The following TLL1 variants were observed in gnomAD, a reference collection of about 807,000 sequenced individuals.
The protein encoded by TLL1 is tolloid-like protein 1.
Under a neutral mutation model 128.2 loss-of-function variants are expected in TLL1, and 49 were observed. The observed-to-expected ratio is 0.38, with a 90% CI of 0.30 to 0.48. The LOEUF (loss-of-function observed/expected upper bound fraction) is 0.48, where lower values mean the gene tolerates loss of function less well. Among genes scored for constraint, TLL1 ranks in the 20% least tolerant of loss-of-function variants. The probability of loss-of-function intolerance (pLI) is 0.96; values close to 1 mark genes in which losing one functional copy is unlikely to be tolerated. For synonymous variants in TLL1, 454 were observed against 418.8 expected, an observed-to-expected ratio of 1.08 and a Z score of -1.03; for missense variants, 1,123 against 1,242.0, an observed-to-expected ratio of 0.90 and a Z score of 1.44.
At chr4:166,020,498 T>A (rs1295707487) in intron 8 of TLL1, among the ~76,000 whole-genome samples, 1 of 152,196 alleles carries the variant, frequency 6.6e-6, no homozygotes, top group Non-Finnish European at 1.5e-5. Context: ...TTCTCTCGTC[T>A]TAAATGATTG....
rs540469766 is a variant in TLL1 at position 166,099,644 on chromosome 4, G to T, written c.2907+117G>T. On this transcript the variant is annotated intron_variant, in intron 20 of 20. Transcript: ENST00000061240. The stretch of plus-strand genomic sequence containing the variant: ...CTTTTTGCAAAAAAAAAAAAAAAAG[G>T]CTACATTGTATTATAAATGGCTTGA... 1.4e-4 allele frequency: 152 copies of T among 1,074,172 alleles called. 1 individual carries two copies. Among genetic ancestry groups the T allele is most frequent in the Admixed American group, 3.5e-4 (17 of 48,146 alleles). The allele number at this position is 1,074,172 out of a possible 1,614,324, so 66.5% of individuals were successfully genotyped here. A position where few individuals can be genotyped will look rare whatever the true frequency, so the allele number is the denominator to read the frequency against.
chr4:166,053,467 G>A (rs1170136546), intron 12 of TLL1, among the ~76,000 whole-genome samples: 1 of 152,080 alleles, frequency 6.6e-6, no homozygotes, highest in Non-Finnish European at 1.5e-5. Context: ...TCTGAATGAT[G>A]CATACCAAGC....
chr4:166,073,091 C>A (rs1361063281), intron 16 of TLL1, among the ~76,000 whole-genome samples: 3 of 152,116 alleles, frequency 2.0e-5, no homozygotes, highest in Admixed American at 1.3e-4. Context: ...CTGCCACCAG[C>A]ATTTTCTTAA....
At chr4:166,014,297 C>A in intron 7 of TLL1, 139 bp from the exon 8 acceptor site, 1 of 1,248,926 alleles carries the variant, frequency 8.0e-7, no homozygotes, top group South Asian at 1.2e-5. Flanking sequence ...GTTTTGAAAG[C>A]CTGATACACT....
chr4:165,978,034 T>C (rs1735970108), intron 1 of TLL1, among the ~76,000 whole-genome samples: 1 of 152,212 alleles, frequency 6.6e-6, no homozygotes, highest in Admixed American at 6.5e-5. Context: ...TTGATATTCA[T>C]GTTATCCTAA....
At chr4:166,094,242 G>T (rs1252652418) in intron 19 of TLL1, among the ~76,000 whole-genome samples, 1 of 152,086 alleles carries the variant, frequency 6.6e-6, no homozygotes, top group East Asian at 1.9e-4. Flanking sequence ...TGATTAATTT[G>T]CAGTTTCTAA....
At chr4:165,985,518 G>A (rs1446885013) in intron 1 of TLL1, among the ~76,000 whole-genome samples, 1 of 151,972 alleles carries the variant, frequency 6.6e-6, no homozygotes, top group Non-Finnish European at 1.5e-5. Flanking sequence ...AATACATGGT[G>A]TTTGTGTTTA....
Position 166,091,213 on chromosome 4 carries a change from C to A in TLL1, c.2528C>A (p.Pro843Gln). The A allele has an allele frequency of 1.9e-6, 3 of 1,613,130 alleles. No homozygotes were observed. Among genetic ancestry groups the A allele is most frequent in the Non-Finnish European group, 2.5e-6 (3 of 1,179,494 alleles). ...EVFDGETEKS[P>Q]ILGRLCGNKI... is the part of the protein sequence containing the mutation. ...TTTGATGGAGAAACAGAAAAGTCACCGATTCTTGGACGACTGTGTGGCAAC... is the reference window on the plus strand; with the variant it reads ...TTTGATGGAGAAACAGAAAAGTCACAGATTCTTGGACGACTGTGTGGCAAC... Residue 843 changes from proline (P) to glutamine (Q), a missense_variant, in exon 19 of 21, where the codon CCG (proline) becomes CAG (glutamine). This residue lies in a region of TLL1 where 634 missense variants were observed against 672.4 expected (regional missense o/e 0.94). Coordinates refer to ENST00000061240, the MANE Select transcript of TLL1 (RefSeq NM_012464.5).
intron 7 of TLL1, among the ~76,000 whole-genome samples, chr4:166,012,215 T>A (rs547248975): frequency 4.6e-5 from 7 of 151,702 alleles, no homozygotes; most frequent in Middle Eastern, 6.8e-3. Flanking sequence ...AAGTGAACCA[T>A]GATATGATCT....
At chr4:166,075,225 A>G (rs79549396) in intron 17 of TLL1, among the ~76,000 whole-genome samples, 11,056 of 152,280 alleles carry the variant, frequency 0.073, 741 homozygotes, top group African/African-American at 0.17. Flanking sequence ...TATAGCAGAC[A>G]TAGTAGCTGC....
At chr4:166,060,318 C>T (rs1014661433) in intron 15 of TLL1, 130 bp downstream of exon 15, 1 of 994,316 alleles carries the variant, frequency 1.0e-6, no homozygotes, top group African/African-American at 1.6e-5. Context: ...TCTTACTGCT[C>T]ATTTCTGCAA....
At chr4:166,041,250 G>C (rs1046217984) in intron 10 of TLL1, among the ~76,000 whole-genome samples, 1 of 151,704 alleles carries the variant, frequency 6.6e-6, no homozygotes, top group African/African-American at 2.4e-5. Flanking sequence ...GTTGAACCTA[G>C]GTGAATAAAG....
intron 1 of TLL1, among the ~76,000 whole-genome samples, chr4:165,940,240 T>C (rs773934642): frequency 1.3e-5 from 2 of 152,050 alleles, no homozygotes; most frequent in African/African-American, 2.4e-5. Context: ...CCTTTAACTA[T>C]AATTTATGTA....
chr4:166,029,425 T>C (rs1738652382), intron 9 of TLL1, among the ~76,000 whole-genome samples: 1 of 152,086 alleles, frequency 6.6e-6, no homozygotes, highest in East Asian at 1.9e-4. Flanking sequence ...CTATTGTCTT[T>C]TGCACTTAAC....
chr4:165,955,852 A>T (rs576962530), intron 1 of TLL1, among the ~76,000 whole-genome samples: 1 of 152,120 alleles, frequency 6.6e-6, no homozygotes, highest in South Asian at 2.1e-4. Flanking sequence ...CAATATTTCA[A>T]TGTAGGTTCT....
Position 166,026,709 on chromosome 4 carries a change from C to A in TLL1, c.1158+1278C>A, listed in dbSNP as rs567135339. Among the ~76,000 whole-genome samples, 344 of 149,990 alleles carry A rather than the reference C, an allele frequency of 2.3e-3. 18 individuals are homozygous for A. The South Asian group carries it at 0.069, about 30-fold the overall frequency. ...TCTCAAAAAAAAAAATAGACAAAAA[C>A]AAACCCCAAGGAAATAGATGAAAAC... On this transcript the variant is annotated intron_variant, in intron 9 of 20. Coordinates refer to ENST00000061240, the MANE Select transcript of TLL1 (RefSeq NM_012464.5).
At chr4:165,920,006 T>C (rs1348283933) in intron 1 of TLL1, 2 of 272,280 alleles carry the variant, frequency 7.3e-6, no homozygotes, top group Non-Finnish European at 1.5e-5. Flanking sequence ...AAGTCAGCCA[T>C]ATAAATAGCT....
intron 8 of TLL1, among the ~76,000 whole-genome samples, 159 bp from the exon 9 acceptor site, chr4:166,025,157 G>A (rs76174574): frequency 0.023 from 3,519 of 152,162 alleles, 134 homozygotes; most frequent in African/African-American, 0.079. Flanking sequence ...ATTCCAGTAA[G>A]GGACATAAAA....
In TLL1 at chr4:165,873,244, T is replaced by C. The variant is rs979927583; in HGVS notation, c.-661T>C. On this transcript the variant is annotated 5_prime_UTR_variant, in exon 1 of 21. Coordinates refer to ENST00000061240, the MANE Select transcript of TLL1 (RefSeq NM_012464.5). Reference sequence around the variant, plus strand: ...AGGCTGGCGGGGGGAAGGCAAACAGTGCATCCCCAAATCCTCACACTTTTG... The same window carrying C: ...AGGCTGGCGGGGGGAAGGCAAACAGCGCATCCCCAAATCCTCACACTTTTG... The C allele has an allele frequency of 6.6e-6, 1 of 152,086 alleles. No homozygotes were observed. The highest frequency in any genetic ancestry group is 2.4e-5 in the African/African-American group (1 of 41,392). 9.4% of individuals were successfully genotyped at this position (152,086 alleles called of 1,614,324 possible). A position where few individuals can be genotyped will look rare whatever the true frequency, so the allele number is the denominator to read the frequency against.
Sources: allele counts gnomAD v4.1 joint callset (sites outside exome capture counted in the v4.1 genomes callset), GRCh38; gene constraint gnomAD v4.1.1; regional missense constraint gnomAD v4.1.1; transcripts MANE v1.5; gene names NCBI Gene and HGNC (gene_info 2026-07-23, HGNC 2026-07-21).